CDK17: variants seen among roughly 807,000 people sequenced by gnomAD.
The protein encoded by CDK17 is cyclin dependent kinase 17.
Under a neutral mutation model 77.6 loss-of-function variants are expected in CDK17, and 24 were observed. That is an observed-to-expected ratio of 0.31 (90% CI 0.22 to 0.44). The LOEUF (loss-of-function observed/expected upper bound fraction) is 0.44, where lower values mean the gene tolerates loss of function less well. Among genes scored for constraint, CDK17 ranks in the 20% least tolerant of loss-of-function variants. The pLI is 1.00. For synonymous variants in CDK17, 203 were observed against 210.4 expected, an observed-to-expected ratio of 0.96 and a Z score of 0.30; for missense variants, 429 against 622.5, an observed-to-expected ratio of 0.69 and a Z score of 3.31.
chr12:96,363,225 A>G (rs1020004255), intron 1 of CDK17, among the ~76,000 whole-genome samples: 12 of 147,520 alleles, frequency 8.1e-5, no homozygotes, highest in African/African-American at 2.8e-4. Context: ...CCGAGACGGG[A>G]GGGTCACCTG....
At chr12:96,353,129 C>A (rs1269760880) in intron 1 of CDK17, among the ~76,000 whole-genome samples, 1 of 152,178 alleles carries the variant, frequency 6.6e-6, no homozygotes, top group Non-Finnish European at 1.5e-5. Context: ...ATATCAATGA[C>A]ACTTTTAACA....
intron 1 of CDK17, chr12:96,399,046 C>G (rs183211212): frequency 1.3e-5 from 2 of 152,330 alleles, no homozygotes; most frequent in Admixed American, 1.3e-4. Flanking sequence ...CTCAGACATC[C>G]TGTCATTAAC....
intron 1 of CDK17, among the ~76,000 whole-genome samples, chr12:96,355,352 T>C (rs867136035): frequency 1.3e-4 from 19 of 151,152 alleles, no homozygotes; most frequent in Non-Finnish European, 1.2e-4. Context: ...TCCCCTTAAC[T>C]GCTTTAATTT....
chr12:96,290,745 C>T (rs537957388), intron 10 of CDK17, among the ~76,000 whole-genome samples: 1 of 152,264 alleles, frequency 6.6e-6, no homozygotes, highest in Admixed American at 6.5e-5. Flanking sequence ...ACGTGCTTAT[C>T]CTGTAACATA....
At chr12:96,307,220 G>A (rs370705695) in intron 5 of CDK17, among the ~76,000 whole-genome samples, 4 of 152,046 alleles carry the variant, frequency 2.6e-5, no homozygotes, top group East Asian at 1.9e-4. Context: ...GCTTGAACCC[G>A]GGAGGCGAAG....
At chr12:96,333,788 AG>A (rs1286835070) in intron 2 of CDK17, among the ~76,000 whole-genome samples, 1 of 152,202 alleles carries the variant, frequency 6.6e-6, no homozygotes, top group Non-Finnish European at 1.5e-5. Context: ...TGGGTTCTAA[AG>A]TACTGGTTCT....
chr12:96,298,261 T>G (rs904554266), intron 7 of CDK17, among the ~76,000 whole-genome samples: 1 of 151,564 alleles, frequency 6.6e-6, no homozygotes, highest in Non-Finnish European at 1.5e-5. Context: ...CACTCCAGCC[T>G]GGGCAACAGA....
At chr12:96,347,087 T>C (rs1953226253) in intron 1 of CDK17, among the ~76,000 whole-genome samples, 1 of 152,158 alleles carries the variant, frequency 6.6e-6, no homozygotes, top group Admixed American at 6.5e-5. Flanking sequence ...TCATATATTA[T>C]AAGGGGTTCG....
At chr12:96,395,402 T>C (rs891460659) in intron 1 of CDK17, among the ~76,000 whole-genome samples, 3 of 151,868 alleles carry the variant, frequency 2.0e-5, no homozygotes, top group African/African-American at 4.8e-5. Flanking sequence ...CAGTGTAGAG[T>C]AGTGGTTTGA....
intron 1 of CDK17, among the ~76,000 whole-genome samples, chr12:96,396,779 A>G (rs1954175929): frequency 6.6e-6 from 1 of 152,192 alleles, no homozygotes; most frequent in South Asian, 2.1e-4. Flanking sequence ...AAAACAAACA[A>G]ACAAACAAAA....
At chr12:96,397,061 G>A (rs1954181811) in intron 1 of CDK17, among the ~76,000 whole-genome samples, 1 of 151,964 alleles carries the variant, frequency 6.6e-6, no homozygotes, top group African/African-American at 2.4e-5. Context: ...AAATAAAATA[G>A]TTGCATTGTT....
chr12:96,375,600 C>T (rs1171448413), intron 1 of CDK17, among the ~76,000 whole-genome samples: 2 of 150,838 alleles, frequency 1.3e-5, no homozygotes, highest in Non-Finnish European at 3.0e-5. Context: ...CTGCAACCTC[C>T]GCATCCTGGG....
intron 5 of CDK17, among the ~76,000 whole-genome samples, chr12:96,309,892 T>C (rs553965263): frequency 1.2e-4 from 18 of 152,182 alleles, no homozygotes; most frequent in Non-Finnish European, 2.4e-4. Context: ...GCTAGTGATA[T>C]ACGTATAAGT....
At chr12:96,280,498 T>C in intron 16 of CDK17, 3 of 1,409,230 alleles carry the variant, frequency 2.1e-6, no homozygotes, top group African/African-American at 1.4e-5. Flanking sequence ...GCACAAGATG[T>C]GTCTTCTGCC....
At chr12:96,302,057 CG>C (rs1219715605) in intron 5 of CDK17, among the ~76,000 whole-genome samples, 2 of 152,066 alleles carry the variant, frequency 1.3e-5, no homozygotes, top group African/African-American at 4.8e-5. Context: ...TTTCCTATGA[CG>C]TTTTTCATAA....
At chr12:96,307,733 T>C (rs976803920) in intron 5 of CDK17, among the ~76,000 whole-genome samples, 1 of 152,018 alleles carries the variant, frequency 6.6e-6, no homozygotes, top group Non-Finnish European at 1.5e-5. Flanking sequence ...TAGCCAGGCA[T>C]GGTGGCACAT....
At position 96,280,014 on chromosome 12, in the gene CDK17, G is replaced by A; in HGVS notation, c.*228C>T. The stretch of plus-strand genomic sequence containing the variant: ...TTACATCAATAGCTGTAACCTACTG[G>A]CTCTAATGGCAGAGAAGACCTTAAA... On this transcript the variant is annotated 3_prime_UTR_variant, in exon 17 of 17. Coordinates refer to ENST00000261211, the MANE Select transcript of CDK17 (RefSeq NM_002595.5). 2.3e-6 allele frequency: 1 copy of A among 439,828 alleles called. No homozygotes were observed. Among genetic ancestry groups the A allele is most frequent in the South Asian group, 5.1e-5 (1 of 19,556 alleles). 27.2% of individuals were successfully genotyped at this position (439,828 alleles called of 1,614,324 possible).
At chr12:96,283,193 G>A (rs914925589) in intron 14 of CDK17, among the ~76,000 whole-genome samples, 1 of 152,148 alleles carries the variant, frequency 6.6e-6, no homozygotes, top group Non-Finnish European at 1.5e-5. Context: ...TTGCTTCCAA[G>A]TTTCAAGAGG....
chr12:96,381,048 G>C (rs901944819), intron 1 of CDK17, among the ~76,000 whole-genome samples: 1 of 151,886 alleles, frequency 6.6e-6, no homozygotes, highest in African/African-American at 2.4e-5. Context: ...CTCTTTCCTC[G>C]TCATGTTAAT....
Sources: gnomAD v4.1 joint callset for allele counts (sites outside exome capture counted in the v4.1 genomes callset) on GRCh38, gnomAD v4.1.1 for gene constraint, MANE v1.5 for transcripts, NCBI Gene and HGNC (gene_info 2026-07-23, HGNC 2026-07-21) for gene names.